Variants in TCF20 observed in about 807,000 individuals in gnomAD.
The protein encoded by TCF20 is SPRE-binding protein.
TCF20 carries 3 observed loss-of-function variants against 148.6 expected under a neutral mutation model. The observed-to-expected ratio is 0.02, with a 90% CI of 0.01 to 0.05. The LOEUF is 0.05. Ranked by LOEUF, TCF20 falls within the 10% of genes least tolerant of loss-of-function variation. The pLI, the probability that TCF20 is intolerant of heterozygous loss-of-function variation, is 1.00. For missense variants in TCF20, 2,350 were observed against 2,429.3 expected (o/e 0.97, Z 0.69); for synonymous variants, 1,049 against 909.5 (o/e 1.15, Z -2.76).
In TCF20 at chr22:42,279,521, G is replaced by A. The variant is rs984563603; in HGVS notation, c.-37+4306C>T. On this transcript the variant is annotated intron_variant, in intron 1 of 5. Coordinates refer to the TCF20 transcript ENST00000359486. This position sits in a 1 kb window ranked among gnomAD's most constrained non-coding sequence, Gnocchi z 4.3. The stretch of plus-strand genomic sequence containing the variant: ...AAGGACAGAGGGCAATGTGACCTTC[G>A]GCAAGCTCCCTAAGCTCCTGAAGCC... 1.3e-5 allele frequency among the ~76,000 whole-genome samples: 2 copies of A among 152,122 alleles called. No homozygotes were observed. The highest frequency in any genetic ancestry group is 6.5e-5 in the Admixed American group (1 of 15,272).
chr22:42,265,573 TTTTGC>T (rs530811338), intron 1 of TCF20, among the ~76,000 whole-genome samples: 71 of 152,190 alleles, frequency 4.7e-4, no homozygotes, highest in Non-Finnish European at 8.7e-4. Context: ...GGTTTTATTG[TTTTGC>T]TTTATCTTGT....
intron 1 of TCF20, among the ~76,000 whole-genome samples, chr22:42,228,661 C>T (rs1489535557): frequency 6.6e-6 from 1 of 152,166 alleles, no homozygotes; most frequent in East Asian, 1.9e-4. Context: ...TGGCAACACG[C>T]GATTCCCATT....
rs189348830 is a variant in TCF20 at position 42,187,340 on chromosome 22, T to C, written c.5656-7638A>G. Among the ~76,000 whole-genome samples the C allele has an allele frequency of 1.3e-3, 195 of 152,334 alleles. 3 individuals are homozygous for C. In the South Asian group the frequency reaches 0.016, roughly 12 times the overall value. ...GCATAATTTGAAATAAAATTATATA[T>C]TTAGATCACCATTCTCCTCCCATAA... On this transcript the variant is annotated intron_variant, in intron 2 of 5. Coordinates refer to ENST00000677622, the MANE Select transcript of TCF20 (RefSeq NM_001378418.1).
chr22:42,311,323 G>A (rs1927533315), intron 1 of TCF20, among the ~76,000 whole-genome samples: 1 of 152,248 alleles, frequency 6.6e-6, no homozygotes. Flanking sequence ...AAGGGGACTG[G>A]GGGGAAGGGC....
chr22:42,235,500 A>C (rs1480261610), intron 1 of TCF20, among the ~76,000 whole-genome samples: 2 of 152,228 alleles, frequency 1.3e-5, no homozygotes, highest in African/African-American at 2.4e-5. Context: ...AAAGAGACCA[A>C]GAAAAACATG....
intron 1 of TCF20, among the ~76,000 whole-genome samples, chr22:42,243,301 A>ACAAAAC (rs1205261276): frequency 2.7e-5 from 3 of 112,378 alleles, no homozygotes; most frequent in African/African-American, 1.2e-4. Context: ...TCAAAAAAAA[A>ACAAAAC]AAAAAAAAAA....
chr22:42,296,035 G>C (rs1927230958), intron 1 of TCF20, among the ~76,000 whole-genome samples: 1 of 152,222 alleles, frequency 6.6e-6, no homozygotes, highest in Non-Finnish European at 1.5e-5. Context: ...TCTAGCTATA[G>C]ATGGATCTGT....
intron 2 of TCF20, among the ~76,000 whole-genome samples, chr22:42,187,264 A>C (rs948105942): frequency 6.6e-6 from 1 of 152,114 alleles, no homozygotes; most frequent in African/African-American, 2.4e-5. Context: ...CCTCCAATAC[A>C]AGCCCATGAA....
chr22:42,247,105 A>G (rs1924981932), intron 1 of TCF20, among the ~76,000 whole-genome samples: 2 of 152,124 alleles, frequency 1.3e-5, no homozygotes, highest in Non-Finnish European at 2.9e-5. Context: ...CATGGAGAAA[A>G]GTAACATTTG....
chr22:42,291,287 C>A (rs1422371686), intron 1 of TCF20, among the ~76,000 whole-genome samples: 1 of 152,202 alleles, frequency 6.6e-6, no homozygotes, highest in African/African-American at 2.4e-5. Context: ...TGACCGCGGT[C>A]CAGCCTGAGC....
intron 1 of TCF20, among the ~76,000 whole-genome samples, chr22:42,281,805 G>C (rs542864013): frequency 2.6e-5 from 4 of 152,242 alleles, no homozygotes; most frequent in Non-Finnish European, 5.9e-5. Flanking sequence ...TGGGGGGTCT[G>C]AGTCTGGGTG....
intron 3 of TCF20, among the ~76,000 whole-genome samples, chr22:42,178,967 T>A (rs1446529421): frequency 2.6e-5 from 4 of 151,282 alleles, no homozygotes; most frequent in Admixed American, 2.6e-4. Context: ...TGCTCGACAT[T>A]AGCCATCAGG....
At chr22:42,219,008 C>CT (rs1287435413) in intron 1 of TCF20, among the ~76,000 whole-genome samples, 1 of 152,026 alleles carries the variant, frequency 6.6e-6, no homozygotes, top group African/African-American at 2.4e-5. Flanking sequence ...CCAGGTTTAT[C>CT]TTTTTTAGGA....
intron 1 of TCF20, among the ~76,000 whole-genome samples, chr22:42,254,203 C>T (rs1047274553): frequency 3.3e-5 from 5 of 151,992 alleles, no homozygotes; most frequent in Non-Finnish European, 7.3e-5. Context: ...ATATCAAGCA[C>T]TGTTCTAGAT....
At chr22:42,340,911 AGCCG>A (rs898374906) in intron 1 of TCF20, among the ~76,000 whole-genome samples, 6 of 98,680 alleles carry the variant, frequency 6.1e-5, no homozygotes, top group African/African-American at 1.1e-4. Flanking sequence ...ACCAGCCCGC[AGCCG>A]GCTCCTTTCT....
chr22:42,181,180 T>C (rs759515367), intron 2 of TCF20, among the ~76,000 whole-genome samples: 2 of 152,164 alleles, frequency 1.3e-5, no homozygotes, highest in Non-Finnish European at 2.9e-5. Context: ...TGCAGCCATG[T>C]CTGCTGCCAC....
intron 1 of TCF20, among the ~76,000 whole-genome samples, chr22:42,312,891 C>A (rs1050254604): frequency 6.6e-6 from 1 of 152,216 alleles, no homozygotes; most frequent in Non-Finnish European, 1.5e-5. Flanking sequence ...TCAAGGCCCA[C>A]GTCTGCAGAG....
chr22:42,220,885 G>A (rs935616575), intron 1 of TCF20, among the ~76,000 whole-genome samples: 5 of 152,282 alleles, frequency 3.3e-5, no homozygotes, highest in African/African-American at 1.2e-4. Context: ...TTCATCCTCT[G>A]CCCTTCAGGT....
rs553800592 is a variant in TCF20, at chr22:42,248,582, G to A, written c.-37+21757C>T. Among the ~76,000 whole-genome samples, 4 of 152,240 alleles carry A rather than the reference G, an allele frequency of 2.6e-5. No homozygotes were observed. The South Asian group carries it at 8.3e-4, about 32-fold the overall frequency. The stretch of plus-strand genomic sequence containing the variant: ...CTGCTATATCTAAACACTAGATTTA[G>A]CAAAAACTGTCTGCAATCAGTACCA... On this transcript the variant is annotated intron_variant, in intron 1 of 5. Coordinates refer to ENST00000677622, the MANE Select transcript of TCF20 (RefSeq NM_001378418.1).
Sources: gnomAD v4.1 joint callset for allele counts (sites outside exome capture counted in the v4.1 genomes callset) on GRCh38, gnomAD v4.1.1 for gene constraint, Gnocchi (gnomAD v3.1) non-coding constraint, MANE v1.5 for transcripts, NCBI Gene and HGNC (gene_info 2026-07-23, HGNC 2026-07-21) for gene names.